The following RGS7BP variants were observed in gnomAD, a reference collection of about 807,000 sequenced individuals.
The protein encoded by RGS7BP is regulator of G protein signaling 7 binding protein.
Under a neutral mutation model 31.3 loss-of-function variants are expected in RGS7BP, and 9 were observed. The observed-to-expected ratio is 0.29, with a 90% confidence interval of 0.17 to 0.50. The LOEUF (loss-of-function observed/expected upper bound fraction) is 0.50. Among genes scored for constraint, RGS7BP ranks in the 20% least tolerant of loss-of-function variants. The probability of loss-of-function intolerance (pLI) is 0.98; values close to 1 mark genes in which losing one functional copy is unlikely to be tolerated. For missense variants in RGS7BP, 274 were observed against 322.0 expected, an observed-to-expected ratio of 0.85 and a Z score of 1.14; for synonymous variants, 115 against 120.1, an observed-to-expected ratio of 0.96 and a Z score of 0.28.
At chr5:64,600,368 G>T (rs977301544) in intron 5 of RGS7BP, among the ~76,000 whole-genome samples, 18 of 151,966 alleles carry the variant, frequency 1.2e-4, no homozygotes, top group African/African-American at 4.4e-4. Context: ...AGCAGTTTTT[G>T]ACTGTGTGTT....
At position 64,506,248 on chromosome 5, in the gene RGS7BP, C is replaced by T. The variant is rs1482984446; in HGVS notation, c.-377C>T. 2 of 175,434 alleles carry T rather than the reference C, an allele frequency of 1.1e-5. No homozygotes were observed. The highest frequency in any genetic ancestry group is 2.3e-5 in the African/African-American group (1 of 42,554). The allele number at this position is 175,434 out of a possible 1,614,324, so 10.9% of individuals were successfully genotyped here. ...CAGCGCAGGCTTTGAAAGCTGCTCC[C>T]CCACCTGAATGGAAACTCGGAACCG... On this transcript the variant is annotated 5_prime_UTR_variant, in exon 1 of 6. Coordinates refer to ENST00000334025, the MANE Select transcript of RGS7BP (RefSeq NM_001029875.3). This position sits in a 1 kb window ranked among gnomAD's most constrained non-coding sequence, Gnocchi z 4.6.
chr5:64,567,786 A>G lies in RGS7BP; in HGVS notation c.333-7988A>G, dbSNP rs1045336261. On this transcript the variant is annotated intron_variant, in intron 2 of 5. Coordinates refer to ENST00000334025, the MANE Select transcript of RGS7BP (RefSeq NM_001029875.3). Reference sequence around the variant, plus strand: ...AATAAGTCAACAGTTTAATGTATTGACCCCTAAAATTCCAGTGGGTAAATG... The same window carrying G: ...AATAAGTCAACAGTTTAATGTATTGGCCCCTAAAATTCCAGTGGGTAAATG... 4.6e-5 allele frequency among the ~76,000 whole-genome samples: 7 copies of G among 152,166 alleles called. No homozygotes were observed. In the South Asian group the frequency reaches 1.2e-3, roughly 27 times the overall value.
chr5:64,536,517 A>G (rs913890882), intron 2 of RGS7BP, among the ~76,000 whole-genome samples: 4 of 152,246 alleles, frequency 2.6e-5, no homozygotes, highest in Non-Finnish European at 5.9e-5. Context: ...TCCTATTTAC[A>G]TGTATCCCTG....
In RGS7BP at chr5:64,568,117, T is replaced by C. The variant is rs549733354; in HGVS notation, c.333-7657T>C. Among the ~76,000 whole-genome samples, 6 of 152,004 alleles carry C rather than the reference T, an allele frequency of 3.9e-5. No homozygotes were observed. The South Asian group carries it at 1.2e-3, about 32-fold the overall frequency. ...ACATATATATATCTTTACATACAAATATATTTAAATAAATACCTTTAAAAA... is the reference window on the plus strand; with the variant it reads ...ACATATATATATCTTTACATACAAACATATTTAAATAAATACCTTTAAAAA... On this transcript the variant is annotated intron_variant, in intron 2 of 5. Transcript: ENST00000334025.
intron 2 of RGS7BP, among the ~76,000 whole-genome samples, chr5:64,526,352 A>G (rs1403742694): frequency 6.6e-6 from 1 of 152,156 alleles, no homozygotes; most frequent in African/African-American, 2.4e-5. Flanking sequence ...CATGGCCCCA[A>G]ACTCTTCTCA....
intron 5 of RGS7BP, among the ~76,000 whole-genome samples, chr5:64,605,616 G>T (rs1743332621): frequency 1.3e-5 from 2 of 152,112 alleles, no homozygotes; most frequent in African/African-American, 4.8e-5. Context: ...GGTGTAGAAA[G>T]CTGCTCTGAA....
chr5:64,516,269 G>A (rs572097616), intron 2 of RGS7BP, among the ~76,000 whole-genome samples: 7 of 152,238 alleles, frequency 4.6e-5, no homozygotes, highest in African/African-American at 7.2e-5. Flanking sequence ...CAAAGCCCTC[G>A]TATTCTTCAG....
chr5:64,524,378 A>C (rs1749180429), intron 2 of RGS7BP, among the ~76,000 whole-genome samples: 2 of 152,178 alleles, frequency 1.3e-5, no homozygotes, highest in African/African-American at 4.8e-5. Context: ...AAGGGAACTA[A>C]GGTGAAGGAG....
chr5:64,537,978 A>G (rs1455509897), intron 2 of RGS7BP, among the ~76,000 whole-genome samples: 1 of 152,196 alleles, frequency 6.6e-6, no homozygotes, highest in Non-Finnish European at 1.5e-5. Flanking sequence ...AGACAGAACT[A>G]ATGTTTCATC....
intron 3 of RGS7BP, among the ~76,000 whole-genome samples, chr5:64,587,725 G>C (rs74650158): frequency 0.02 from 2,982 of 152,246 alleles, 107 homozygotes; most frequent in African/African-American, 0.068. Context: ...AGACTAAATT[G>C]CTCAGTATAT....
intron 3 of RGS7BP, among the ~76,000 whole-genome samples, chr5:64,589,977 G>A (rs1016930718): frequency 6.7e-6 from 1 of 150,174 alleles, no homozygotes; most frequent in Non-Finnish European, 1.5e-5. Context: ...GTCCTTAAAT[G>A]GATCCCTCAA....
chr5:64,592,288 A>C (rs1452295460), intron 3 of RGS7BP, among the ~76,000 whole-genome samples: 1 of 152,178 alleles, frequency 6.6e-6, no homozygotes, highest in East Asian at 1.9e-4. Flanking sequence ...GAGGGCCAAC[A>C]TTCACGGTTT....
chr5:64,577,758 C>G (rs1381413147), intron 3 of RGS7BP, among the ~76,000 whole-genome samples: 2 of 152,220 alleles, frequency 1.3e-5, no homozygotes, highest in Non-Finnish European at 2.9e-5. Flanking sequence ...CACACACAAA[C>G]ATGTACATGC....
intron 2 of RGS7BP, among the ~76,000 whole-genome samples, chr5:64,523,876 C>A (rs1245588898): frequency 6.6e-6 from 1 of 152,180 alleles, no homozygotes; most frequent in Non-Finnish European, 1.5e-5. Flanking sequence ...TGCAAATTAT[C>A]ATATGGCTCA....
rs568197029 is a variant in RGS7BP, at chr5:64,556,509, G to T, written c.333-19265G>T. ...ACGGAGTAAAAGAAAATGTCCAGAT[G>T]GTTAGTTTGGAAAATTTGTTACAAT... On this transcript the variant is annotated intron_variant, in intron 2 of 5. Coordinates refer to ENST00000334025, the MANE Select transcript of RGS7BP (RefSeq NM_001029875.3). 1.5e-4 allele frequency among the ~76,000 whole-genome samples: 22 copies of T among 150,044 alleles called. No homozygotes were observed. The Middle Eastern group carries it at 0.024, about 167-fold the overall frequency.
chr5:64,562,427 T>A (rs1561335637), intron 2 of RGS7BP, among the ~76,000 whole-genome samples: 1 of 152,138 alleles, frequency 6.6e-6, no homozygotes, highest in African/African-American at 2.4e-5. Context: ...GTTATTATAC[T>A]GATTTGAGGC....
At position 64,606,021 on chromosome 5, in the gene RGS7BP, C is replaced by CAT. The variant is rs66605526; in HGVS notation, c.683-3122_683-3121dup. 3.7e-3 allele frequency among the ~76,000 whole-genome samples: 426 copies of CAT among 115,248 alleles called. 7 individuals are homozygous for CAT. Among genetic ancestry groups the CAT allele is most frequent in the East Asian group, 5.7e-3 (24 of 4,190 alleles). 75.6% of individuals were successfully genotyped at this position (115,248 alleles called of 152,430 possible). On this transcript the variant is annotated intron_variant, in intron 5 of 5. Transcript: ENST00000334025. Reference sequence around the variant, plus strand: ...TGCTATATATATGTATATCTGGATACATATATATATATATATATAGAGAGA... The same window carrying CAT: ...TGCTATATATATGTATATCTGGATACATATATATATATATATATATAGAGAGA...
chr5:64,580,580 A>T (rs1742563761), intron 3 of RGS7BP, among the ~76,000 whole-genome samples: 1 of 151,382 alleles, frequency 6.6e-6, no homozygotes, highest in African/African-American at 2.4e-5. Flanking sequence ...ATATAAATAT[A>T]TAGGTATATA....
At chr5:64,533,120 T>G (rs1029464842) in intron 2 of RGS7BP, among the ~76,000 whole-genome samples, 1 of 152,200 alleles carries the variant, frequency 6.6e-6, no homozygotes, top group Non-Finnish European at 1.5e-5. Flanking sequence ...GTGATGACCA[T>G]ACCAGCTTCT....
Sources: allele counts gnomAD v4.1 joint callset (sites outside exome capture counted in the v4.1 genomes callset), GRCh38; gene constraint gnomAD v4.1.1; non-coding constraint Gnocchi (gnomAD v3.1); transcripts MANE v1.5; gene names NCBI Gene and HGNC (gene_info 2026-07-23, HGNC 2026-07-21).